The following TASP1 variants were observed in gnomAD, a reference collection of about 807,000 sequenced individuals.
TASP1 encodes the protein taspase 1, also known as threonine aspartase 1.
Under a neutral mutation model 56.6 loss-of-function variants are expected in TASP1, and 16 were observed. That is an observed-to-expected ratio of 0.28 (90% confidence interval 0.19 to 0.43). The LOEUF (loss-of-function observed/expected upper bound fraction) is 0.43, where lower values mean the gene tolerates loss of function less well. TASP1 is among the 20% of genes least tolerant of loss of function. TASP1 has a pLI of 1.00. For synonymous variants in TASP1, 179 were observed against 184.2 expected (o/e 0.97, Z 0.23); for missense variants, 393 against 511.6 (o/e 0.77, Z 2.24).
chr20:13,329,867 A>G, the TASP1 span, among the ~76,000 whole-genome samples: 1 of 152,046 alleles, frequency 6.6e-6, no homozygotes, highest in African/African-American at 2.4e-5. Context: ...TTAGCTGCGG[A>G]GATTTTCGTA....
chr20:13,498,609 G>T (rs895638695), intron 10 of TASP1, among the ~76,000 whole-genome samples: 1 of 151,810 alleles, frequency 6.6e-6, no homozygotes, highest in African/African-American at 2.4e-5. Flanking sequence ...CTCTCAAAGT[G>T]CTAGGATTAT....
At chr20:13,270,804 G>T in the TASP1 span, 2 of 1,520,360 alleles carry the variant, frequency 1.3e-6, no homozygotes, top group Non-Finnish European at 1.8e-6. Context: ...GTTTTCTGAT[G>T]ATTCCAGTGG....
chr20:13,521,991 G>C (rs2044778825), intron 10 of TASP1, among the ~76,000 whole-genome samples: 1 of 152,142 alleles, frequency 6.6e-6, no homozygotes, highest in South Asian at 2.1e-4. Context: ...GGTCTGATGA[G>C]GTGAGAGTGG....
chr20:13,352,416 C>A, the TASP1 span, among the ~76,000 whole-genome samples: 1 of 149,544 alleles, frequency 6.7e-6, no homozygotes, highest in Non-Finnish European at 1.5e-5. Context: ...CACCACTGAA[C>A]TCCAGCCTGG....
chr20:13,153,798 C>T, the TASP1 span, among the ~76,000 whole-genome samples: 47 of 152,192 alleles, frequency 3.1e-4, no homozygotes, highest in Admixed American at 2.7e-3. Context: ...CCCTCCACCT[C>T]CCTTCCTGCC....
At chr20:13,584,308 A>T (rs1201543611) in intron 5 of TASP1, among the ~76,000 whole-genome samples, 1 of 152,194 alleles carries the variant, frequency 6.6e-6, no homozygotes, top group African/African-American at 2.4e-5. Context: ...GACTTTAAGA[A>T]ATACAAAATA....
At chr20:13,625,408 C>A (rs1326425741) in intron 2 of TASP1, among the ~76,000 whole-genome samples, 156 bp from the exon 3 acceptor site, 1 of 152,198 alleles carries the variant, frequency 6.6e-6, no homozygotes, top group East Asian at 1.9e-4. Flanking sequence ...CCAGTGTAAG[C>A]CTTTTTAATA....
rs1555802349 is a variant in TASP1 at position 13,605,010 on chromosome 20, A to ATATG, written c.283-17644_283-17641dup. ...TACATATATATATATATATATATAT[A>ATATG]TATGTATTTCTTATACACCCAACAA... is the stretch of plus-strand genomic sequence containing the variant. On this transcript the variant is annotated intron_variant, in intron 4 of 13. Coordinates refer to ENST00000337743, the MANE Select transcript of TASP1 (RefSeq NM_017714.3). Among the ~76,000 whole-genome samples, 48 of 147,510 alleles carry ATATG rather than the reference A, an allele frequency of 3.3e-4. No individual in the cohort carries two copies. The East Asian group carries it at 6.7e-3, about 21-fold the overall frequency.
intron 7 of TASP1, among the ~76,000 whole-genome samples, chr20:13,560,787 A>T (rs1256680263): frequency 1.3e-5 from 2 of 152,054 alleles, no homozygotes; most frequent in Non-Finnish European, 2.9e-5. Flanking sequence ...GAAAGAGAAG[A>T]TGGTTACTTG....
intron 10 of TASP1, among the ~76,000 whole-genome samples, chr20:13,514,669 T>C (rs1030510063): frequency 3.3e-5 from 5 of 152,182 alleles, no homozygotes; most frequent in Admixed American, 2.6e-4. Flanking sequence ...TTCTTCAATA[T>C]CCAACTGAGA....
intron 13 of TASP1, among the ~76,000 whole-genome samples, chr20:13,406,610 ACGCCCTTAAT>A (rs899670315): frequency 1.3e-5 from 2 of 151,128 alleles, no homozygotes; most frequent in Non-Finnish European, 2.9e-5. Flanking sequence ...TTGATAGATG[ACGCCCTTAAT>A]CACATTGAGG....
the TASP1 span, among the ~76,000 whole-genome samples, chr20:13,296,309 G>A: frequency 1.1e-4 from 17 of 152,248 alleles, no homozygotes; most frequent in African/African-American, 4.1e-4. Flanking sequence ...TTCCTAGCTG[G>A]AAATCCAGGA....
chr20:13,265,390 C>G, the TASP1 span, among the ~76,000 whole-genome samples: 317 of 152,280 alleles, frequency 2.1e-3, 1 homozygote, highest in Non-Finnish European at 3.8e-3. Flanking sequence ...CTGGATTTCT[C>G]TCCTTCATGA....
At chr20:13,292,425 G>C in the TASP1 span, 1 of 1,606,228 alleles carries the variant, frequency 6.2e-7, no homozygotes, top group Non-Finnish European at 8.5e-7. Flanking sequence ...CTGCTTGCGG[G>C]AAGCGAGGAG....
intron 12 of TASP1, among the ~76,000 whole-genome samples, chr20:13,424,414 G>GA (rs2146113454): frequency 6.6e-6 from 1 of 152,228 alleles, no homozygotes; most frequent in South Asian, 2.1e-4. Context: ...TCCATGTACT[G>GA]AAAATTGAAG....
At chr20:13,182,340 T>C in the TASP1 span, among the ~76,000 whole-genome samples, 1 of 152,228 alleles carries the variant, frequency 6.6e-6, no homozygotes, top group Admixed American at 6.5e-5. Context: ...TTGCATTTCA[T>C]TATCTGCTCT....
At chr20:13,277,679 C>T in the TASP1 span, among the ~76,000 whole-genome samples, 3 of 150,500 alleles carry the variant, frequency 2.0e-5, no homozygotes, top group Non-Finnish European at 4.4e-5. Context: ...TACTGAAAAG[C>T]TCCACAATTA....
chr20:13,566,331 T>C (rs1425524692), intron 7 of TASP1, among the ~76,000 whole-genome samples: 3 of 152,212 alleles, frequency 2.0e-5, no homozygotes, highest in Non-Finnish European at 4.4e-5. Context: ...TTTTATGTTA[T>C]GTGTATTTTA....
intron 1 of TASP1, among the ~76,000 whole-genome samples, chr20:13,635,850 G>A (rs2049285359): frequency 6.6e-6 from 1 of 152,084 alleles, no homozygotes; most frequent in African/African-American, 2.4e-5. Context: ...CGCTCTGCAG[G>A]GACTTTCATG....
Sources: gnomAD v4.1 joint callset for allele counts (sites outside exome capture counted in the v4.1 genomes callset) on GRCh38, gnomAD v4.1.1 for gene constraint, MANE v1.5 for transcripts, NCBI Gene and HGNC (gene_info 2026-07-23, HGNC 2026-07-21) for gene names.